The following RNLS variants were observed in gnomAD, a reference collection of about 807,000 sequenced individuals.
RNLS encodes the protein renalase.
A neutral mutation model predicts 39.8 loss-of-function variants in RNLS; 39 were observed. The ratio of observed to expected loss-of-function variants is 0.98; its 90% CI spans 0.76 to 1.28. RNLS has a LOEUF of 1.28. RNLS is among the 50% of genes most tolerant of loss of function. The pLI, the probability that RNLS is intolerant of heterozygous loss-of-function variation, is 0.00. For missense variants in RNLS, 410 were observed against 413.3 expected, an observed-to-expected ratio of 0.99 and a Z score of 0.07; for synonymous variants, 147 against 150.7, an observed-to-expected ratio of 0.98 and a Z score of 0.18.
chr10:88,452,434 T>C (rs1275031066), intron 4 of RNLS, among the ~76,000 whole-genome samples: 1 of 152,180 alleles, frequency 6.6e-6, no homozygotes, highest in Non-Finnish European at 1.5e-5. Context: ...AATGTACAGT[T>C]TGAGGTAACA....
the RNLS span, among the ~76,000 whole-genome samples, chr10:88,205,814 A>G: frequency 6.6e-6 from 1 of 152,226 alleles, no homozygotes; most frequent in Non-Finnish European, 1.5e-5. Flanking sequence ...TATCATGTAT[A>G]CCCTGGAAGA....
At chr10:88,232,308 A>G in the RNLS span, among the ~76,000 whole-genome samples, 1 of 152,214 alleles carries the variant, frequency 6.6e-6, no homozygotes, top group African/African-American at 2.4e-5. Flanking sequence ...GACCAGAACA[A>G]TGACCAGAAG....
At chr10:88,309,442 C>A (rs1196276617) in intron 6 of RNLS, 8 of 1,289,808 alleles carry the variant, frequency 6.2e-6, no homozygotes, top group Non-Finnish European at 8.1e-6. Context: ...TCAAGCTCTT[C>A]TGTGTGCACA....
chr10:88,382,662 T>C (rs1851617949), intron 4 of RNLS, among the ~76,000 whole-genome samples: 1 of 152,140 alleles, frequency 6.6e-6, no homozygotes, highest in Non-Finnish European at 1.5e-5. Context: ...TTGAGAATAC[T>C]GGAAGCAATG....
At chr10:88,219,508 C>A in the RNLS span, among the ~76,000 whole-genome samples, 1 of 152,202 alleles carries the variant, frequency 6.6e-6, no homozygotes, top group Non-Finnish European at 1.5e-5. Flanking sequence ...CAACTCCCAG[C>A]AAACTTAACT....
At chr10:88,182,909 G>GT in the RNLS span, among the ~76,000 whole-genome samples, 2 of 152,176 alleles carry the variant, frequency 1.3e-5, no homozygotes, top group Non-Finnish European at 1.5e-5. Context: ...CAGATTGGGA[G>GT]TTAGACAGAC....
At chr10:88,309,574 A>G in intron 6 of RNLS, 6 of 735,632 alleles carry the variant, frequency 8.2e-6, no homozygotes, top group Non-Finnish European at 1.2e-5. Flanking sequence ...TGAGGTAATC[A>G]GCTGGAAAAG....
chr10:88,230,643 G>T, the RNLS span, among the ~76,000 whole-genome samples: 9 of 152,090 alleles, frequency 5.9e-5, no homozygotes, highest in Non-Finnish European at 1.0e-4. Context: ...CACAAATAAG[G>T]TCAGTCTCAG....
At chr10:88,172,856 T>TTTTTTTG in the RNLS span, among the ~76,000 whole-genome samples, 1 of 76,826 alleles carries the variant, frequency 1.3e-5, no homozygotes, top group Non-Finnish European at 3.0e-5. Flanking sequence ...TTTTTTTTTT[T>TTTTTTTG]TTTTTTTTTT....
At chr10:88,458,259 T>C (rs572857156) in intron 4 of RNLS, among the ~76,000 whole-genome samples, 1 of 152,204 alleles carries the variant, frequency 6.6e-6, no homozygotes, top group Non-Finnish European at 1.5e-5. Flanking sequence ...CTGCAGAACA[T>C]GTGTGGCAGA....
At chr10:88,274,398 C>T (rs1016412760) in exon 7 of RNLS, 1 of 152,526 alleles carries the variant, frequency 6.6e-6, no homozygotes, top group African/African-American at 2.4e-5. Context: ...TTTTCTGTCT[C>T]TGTGAAACTG....
At chr10:88,414,968 C>G (rs1011732103) in intron 4 of RNLS, among the ~76,000 whole-genome samples, 1 of 152,064 alleles carries the variant, frequency 6.6e-6, no homozygotes, top group Admixed American at 6.6e-5. Flanking sequence ...TGAAAAGGTG[C>G]CCCAAAACTC....
the RNLS span, among the ~76,000 whole-genome samples, chr10:88,257,090 T>C: frequency 6.6e-6 from 1 of 152,050 alleles, no homozygotes; most frequent in African/African-American, 2.4e-5. Flanking sequence ...ACTGAGCTTG[T>C]ATTGTTTCTG....
chr10:88,427,144 C>T lies in RNLS; in HGVS notation c.527-64419G>A, dbSNP rs557299919. Among the ~76,000 whole-genome samples the T allele has an allele frequency of 2.0e-4, 30 of 152,088 alleles. No homozygotes were observed. The South Asian group carries it at 6.0e-3, about 30-fold the overall frequency. ...AGAAAGAGGTTTGTTTAATCTTTAT[C>T]ACAATTCACACAGTTAGCAAGGACT... is the stretch of plus-strand genomic sequence containing the variant. On this transcript the variant is annotated intron_variant, in intron 4 of 6. Coordinates refer to ENST00000331772, the MANE Select transcript of RNLS (RefSeq NM_001031709.3).
chr10:88,285,658 C>A (rs1475381243), intron 6 of RNLS, 152 bp from the exon 7 acceptor site: 2 of 648,692 alleles, frequency 3.1e-6, no homozygotes, highest in Non-Finnish European at 5.3e-6. Context: ...ACACAAGAAA[C>A]AAAAAACAAA....
the RNLS span, among the ~76,000 whole-genome samples, chr10:88,216,291 A>T: frequency 6.6e-6 from 1 of 152,168 alleles, no homozygotes; most frequent in Non-Finnish European, 1.5e-5. Flanking sequence ...AGTAGAGGGA[A>T]ATTTTTTGGC....
At chr10:88,555,696 C>T (rs537193642) in intron 4 of RNLS, among the ~76,000 whole-genome samples, 49 of 152,192 alleles carry the variant, frequency 3.2e-4, no homozygotes, top group African/African-American at 6.0e-4. Flanking sequence ...CTCCACATTG[C>T]GAAATCCAAT....
chr10:88,498,837 A>C (rs967176330), intron 4 of RNLS, among the ~76,000 whole-genome samples: 3 of 152,084 alleles, frequency 2.0e-5, no homozygotes, highest in Admixed American at 2.0e-4. Context: ...TGGGTGAAAG[A>C]TGTATAGGAA....
chr10:88,399,872 T>C (rs1235707483), intron 4 of RNLS, among the ~76,000 whole-genome samples: 2 of 152,058 alleles, frequency 1.3e-5, no homozygotes, highest in Non-Finnish European at 2.9e-5. Flanking sequence ...AGCAGTTTCA[T>C]TGGGTAAAAA....
Sources: allele counts gnomAD v4.1 joint callset (sites outside exome capture counted in the v4.1 genomes callset), GRCh38; gene constraint gnomAD v4.1.1; transcripts MANE v1.5; gene names NCBI Gene and HGNC (gene_info 2026-07-23, HGNC 2026-07-21).